The following LRP6 variants were observed in gnomAD, a reference collection of about 807,000 sequenced individuals.
The protein encoded by LRP6 is low-density lipoprotein receptor-related protein 6.
LRP6 carries 43 observed loss-of-function variants against 184.1 expected under a neutral mutation model. The observed-to-expected ratio is 0.23, with a 90% CI of 0.18 to 0.30. The LOEUF is 0.30. Among genes scored for constraint, LRP6 ranks in the 10% least tolerant of loss-of-function variants. The pLI is 1.00. For missense variants in LRP6, 1,571 were observed against 2,005.3 expected, an observed-to-expected ratio of 0.78 and a Z score of 4.14; for synonymous variants, 719 against 684.9, an observed-to-expected ratio of 1.05 and a Z score of -0.78.
At chr12:12,187,306 T>C (rs1863498955) in intron 3 of LRP6, 187 bp from the exon 4 acceptor site, 3 of 614,394 alleles carry the variant, frequency 4.9e-6, no homozygotes, top group Non-Finnish European at 8.6e-6. Context: ...ATTTTTAAGG[T>C]GTCCAAAAGC....
At chr12:12,218,338 G>A (rs1006066293) in intron 2 of LRP6, among the ~76,000 whole-genome samples, 5 of 151,914 alleles carry the variant, frequency 3.3e-5, no homozygotes, top group African/African-American at 1.2e-4. Context: ...TTTGCCTGGT[G>A]TGGTGTCACC....
chr12:12,251,283 A>G (rs1865319361), intron 1 of LRP6, among the ~76,000 whole-genome samples: 1 of 152,164 alleles, frequency 6.6e-6, no homozygotes, highest in Admixed American at 6.5e-5. Context: ...TTAAGTGCTT[A>G]TCAAATATTA....
chr12:12,225,120 G>A (rs1006437905), intron 2 of LRP6, among the ~76,000 whole-genome samples: 3 of 151,996 alleles, frequency 2.0e-5, no homozygotes, highest in Admixed American at 1.3e-4. Flanking sequence ...CAGGCGAATC[G>A]CTTGAACCCA....
Position 12,147,434 on chromosome 12 carries a change from T to C in LRP6, c.3329A>G (p.Asp1110Gly), listed in dbSNP as rs767342323. 2 of 1,614,192 alleles carry C rather than the reference T, an allele frequency of 1.2e-6. No individual in the cohort carries two copies. Among genetic ancestry groups the C allele is most frequent in the Non-Finnish European group, 1.7e-6 (2 of 1,180,034 alleles). The change falls in exon 15 of 23, where the codon GAT becomes GGT. Residue 1110 changes from aspartate (D) to glycine (G), a missense_variant. Physicochemically the swap from Asp to Gly is moderately conservative, Grantham distance 94. Transcript: ENST00000261349. ...CCAAAAGAGCTTGCCCAGCCTGCTA[T>C]CAAGGGCTAAAGCAATTGGTTTACT... is the stretch of plus-strand genomic sequence containing the variant. Reference protein sequence around the residue: ...GLSKPIALALDSRLGKLFWAD... With the variant: ...GLSKPIALALGSRLGKLFWAD...
chr12:12,155,662 T>C (rs1399705573), intron 12 of LRP6: 2 of 922,678 alleles, frequency 2.2e-6, no homozygotes, highest in Non-Finnish European at 3.6e-6. Context: ...GAAAGGTACC[T>C]GGGTTCAACT....
rs1862706366 is a variant in LRP6, at chr12:12,160,161, A to C, written c.2280-197T>G. On this transcript the variant is annotated intron_variant, in intron 10 of 22. Transcript: ENST00000261349. Reference sequence around the variant, plus strand: ...TAAATATTTTTTTCCATATCCCAAAAAGGAAGTGAGTCAGCTTTCCTTAGT... The same window carrying C: ...TAAATATTTTTTTCCATATCCCAAACAGGAAGTGAGTCAGCTTTCCTTAGT... 3.3e-5 allele frequency among the ~76,000 whole-genome samples: 5 copies of C among 152,174 alleles called. No individual in the cohort carries two copies. The South Asian group carries it at 1.0e-3, about 32-fold the overall frequency.
chr12:12,151,184 T>G (rs1950076274), intron 12 of LRP6, 146 bp from the exon 13 acceptor site: 2 of 755,072 alleles, frequency 2.6e-6, no homozygotes. Context: ...TTCTTTGGCA[T>G]GCCCTCAAAA....
Position 12,179,995 on chromosome 12 carries a change from C to T in LRP6, c.1374-14G>A. The T allele has an allele frequency of 6.2e-7, 1 of 1,605,648 alleles. No individual in the cohort carries two copies. Among genetic ancestry groups the T allele is most frequent in the South Asian group, 1.1e-5 (1 of 90,868 alleles). On this transcript the variant is annotated splice_polypyrimidine_tract_variant and intron_variant, in intron 6 of 22. Coordinates refer to ENST00000261349, the MANE Select transcript of LRP6 (RefSeq NM_002336.3). ...CAATACATGTACCTAGAGAAGTATACAAAAAATGAGCTAAAAATAGATAAT... is the reference window on the plus strand; with the variant it reads ...CAATACATGTACCTAGAGAAGTATATAAAAAATGAGCTAAAAATAGATAAT...
At chr12:12,213,612 T>C (rs1029843069) in intron 2 of LRP6, among the ~76,000 whole-genome samples, 1 of 152,168 alleles carries the variant, frequency 6.6e-6, no homozygotes, top group Non-Finnish European at 1.5e-5. Context: ...CGTTTTCATT[T>C]GATGTTTAAG....
chr12:12,186,545 ATTTTTGTATT>A (rs773860881), intron 4 of LRP6, among the ~76,000 whole-genome samples: 6 of 147,770 alleles, frequency 4.1e-5, no homozygotes, highest in Admixed American at 6.7e-5. Flanking sequence ...CACCCCATTA[ATTTTTGTATT>A]TTTTAGTAGA....
At position 12,134,017 on chromosome 12, in the gene LRP6, G is replaced by A. The variant is rs77666446; in HGVS notation, c.3733+1158C>T. On this transcript the variant is annotated intron_variant, in intron 17 of 22. Transcript: ENST00000261349. ...GTACATATCTGATTTCCCTGACTACGCTGTATGCTATCTCAAAGATCTTCA... is the reference window on the plus strand; with the variant it reads ...GTACATATCTGATTTCCCTGACTACACTGTATGCTATCTCAAAGATCTTCA... Among the ~76,000 whole-genome samples the A allele has an allele frequency of 7.8e-3, 1,192 of 152,098 alleles. 14 individuals are homozygous for A. The highest frequency in any genetic ancestry group is 0.027 in the African/African-American group (1,136 of 41,488).
chr12:12,194,947 T>G (rs751131622), intron 3 of LRP6, among the ~76,000 whole-genome samples: 3 of 152,114 alleles, frequency 2.0e-5, no homozygotes, highest in Admixed American at 2.0e-4. Context: ...AGTGAGAACA[T>G]GCATGGTTTA....
At chr12:12,169,892 T>C (rs1862985766) in intron 7 of LRP6, among the ~76,000 whole-genome samples, 1 of 152,210 alleles carries the variant, frequency 6.6e-6, no homozygotes, top group Non-Finnish European at 1.5e-5. Context: ...ACTGTTTCCT[T>C]TAATTCCTGA....
chr12:12,263,628 A>G (rs921269612), intron 1 of LRP6, among the ~76,000 whole-genome samples: 7 of 151,396 alleles, frequency 4.6e-5, no homozygotes, highest in Admixed American at 6.6e-5. Context: ...GGATCACTTG[A>G]GCCCAGGAGT....
At chr12:12,176,823 T>C (rs1016106712) in intron 7 of LRP6, among the ~76,000 whole-genome samples, 9 of 149,574 alleles carry the variant, frequency 6.0e-5, no homozygotes, top group East Asian at 2.0e-4. Flanking sequence ...TAAACACATA[T>C]ACAACAGTGT....
chr12:12,237,033 G>C (rs571335166), intron 2 of LRP6, among the ~76,000 whole-genome samples: 1 of 152,064 alleles, frequency 6.6e-6, no homozygotes, highest in South Asian at 2.1e-4. Context: ...ATCATGGCTT[G>C]GTCTTTCTGG....
chr12:12,212,639 T>A (rs1458516188), intron 2 of LRP6, among the ~76,000 whole-genome samples: 3 of 152,238 alleles, frequency 2.0e-5, no homozygotes, highest in Non-Finnish European at 4.4e-5. Flanking sequence ...AGTCTCTTTA[T>A]ATATTTTGCA....
At chr12:12,141,896 T>C (rs1484107908) in intron 15 of LRP6, among the ~76,000 whole-genome samples, 1 of 152,232 alleles carries the variant, frequency 6.6e-6, no homozygotes, top group African/African-American at 2.4e-5. Flanking sequence ...GTGGGTCCTT[T>C]CTATCTGCAA....
At chr12:12,260,710 C>A (rs576565778) in intron 1 of LRP6, among the ~76,000 whole-genome samples, 2 of 152,284 alleles carry the variant, frequency 1.3e-5, no homozygotes, top group South Asian at 4.1e-4. Flanking sequence ...AGAAGTCTTG[C>A]AAGTTATATC....
Sources: allele counts gnomAD v4.1 joint callset (sites outside exome capture counted in the v4.1 genomes callset), GRCh38; gene constraint gnomAD v4.1.1; transcripts MANE v1.5; gene names NCBI Gene and HGNC (gene_info 2026-07-23, HGNC 2026-07-21).